The following MTMR3 variants were observed in gnomAD, a reference collection of about 807,000 sequenced individuals.
The protein encoded by MTMR3 is myotubularin related protein 3, also known as phosphatidylinositol-3,5-bisphosphate 3-phosphatase MTMR3.
MTMR3 carries 32 observed loss-of-function variants against 132.4 expected under a neutral mutation model. The ratio of observed to expected loss-of-function variants is 0.24; its 90% CI spans 0.18 to 0.32. The LOEUF (loss-of-function observed/expected upper bound fraction) is 0.32, where lower values mean the gene tolerates loss of function less well. MTMR3 is among the 10% of genes least tolerant of loss of function. The pLI, the probability that MTMR3 is intolerant of heterozygous loss-of-function variation, is 1.00. For synonymous variants in MTMR3, 556 were observed against 550.3 expected (o/e 1.01, Z -0.14); for missense variants, 1,216 against 1,489.6 (o/e 0.82, Z 3.02).
intron 8 of MTMR3, chr22:30,001,323 G>C (rs1385779938): frequency 6.6e-6 from 1 of 152,228 alleles, no homozygotes; most frequent in Non-Finnish European, 1.5e-5. Context: ...CCCGGGAGGT[G>C]GAGCTTGCAA....
chr22:29,897,950 A>T lies in MTMR3; in HGVS notation c.-138+14591A>T, dbSNP rs570868167. On this transcript the variant is annotated intron_variant, in intron 1 of 19. Transcript: ENST00000401950. ...TTTAGTACATACTTTCTATAATTTGAAAAATGACATGTTGATATATGTGTA... is the reference window on the plus strand; with the variant it reads ...TTTAGTACATACTTTCTATAATTTGTAAAATGACATGTTGATATATGTGTA... Among the ~76,000 whole-genome samples, 26 of 152,322 alleles carry T rather than the reference A, an allele frequency of 1.7e-4. No individual in the cohort carries two copies. The South Asian group carries it at 5.0e-3, about 29-fold the overall frequency.
intron 5 of MTMR3, chr22:29,982,562 A>C (rs951829087): frequency 6.6e-6 from 1 of 152,256 alleles, no homozygotes; most frequent in African/African-American, 2.4e-5. Context: ...ATGTTGTGGC[A>C]TGCCCCAGTT....
intron 1 of MTMR3, among the ~76,000 whole-genome samples, chr22:29,894,758 C>T (rs1259780465): frequency 6.6e-6 from 1 of 152,058 alleles, no homozygotes; most frequent in African/African-American, 2.4e-5. Flanking sequence ...TGTCACATAT[C>T]CTCTAGAGTT....
rs1195353582 is a variant in MTMR3, at chr22:30,020,241, A to G, written c.2582A>G (p.Gln861Arg). 5.6e-6 allele frequency: 9 copies of G among 1,614,194 alleles called. No individual in the cohort carries two copies. The highest frequency in any genetic ancestry group is 6.8e-6 in the Non-Finnish European group (8 of 1,180,028). Residue 861 changes from glutamine to arginine, a missense_variant, in exon 17 of 20, where the codon CAA (glutamine) becomes CGA (arginine). This residue lies in a region of MTMR3 where 852 missense variants were observed against 852.0 expected (regional missense o/e 1.00). Transcript: ENST00000401950. ...AAGGTGAAGTCAGTAAGTGGGCCCC[A>G]AGGTCATCATAGATCTTGCCTTGTA... ...EDKVKSVSGP[Q>R]GHHRSCLVNS...
chr22:29,981,824 A>AAG, intron 5 of MTMR3: 1 of 144,502 alleles, frequency 6.9e-6, no homozygotes, highest in East Asian at 2.0e-4. Context: ...CTGTCAAAAA[A>AAG]AAAAAGGAAA....
intron 12 of MTMR3, chr22:30,011,935 C>T (rs2067439686): frequency 6.4e-6 from 1 of 156,604 alleles, no homozygotes; most frequent in Non-Finnish European, 1.4e-5. Flanking sequence ...TTTTTCTTTT[C>T]TTTTCTTTTC....
At chr22:29,913,791 G>A (rs1379223531) in intron 1 of MTMR3, among the ~76,000 whole-genome samples, 1 of 151,248 alleles carries the variant, frequency 6.6e-6, no homozygotes, top group Non-Finnish European at 1.5e-5. Context: ...TCGCTCTGTC[G>A]CCCAGGCTGG....
chr22:29,977,231 A>G (rs965023555), intron 3 of MTMR3, among the ~76,000 whole-genome samples: 3 of 152,262 alleles, frequency 2.0e-5, no homozygotes, highest in African/African-American at 7.2e-5. Context: ...GTTGGAGGTT[A>G]CAATTAGCTG....
chr22:29,926,790 TG>T (rs1215284807), intron 1 of MTMR3, among the ~76,000 whole-genome samples: 1 of 152,234 alleles, frequency 6.6e-6, no homozygotes, highest in African/African-American at 2.4e-5. Context: ...TCCTTATCCT[TG>T]GGTTGTCCTG....
At position 29,979,004 on chromosome 22, in the gene MTMR3, C is replaced by A; in HGVS notation, c.162C>A (p.Ala54=). The change falls in exon 5 of 20, where the codon GCC becomes GCA. Residue 54 remains alanine, a synonymous_variant. Transcript: ENST00000401950. ...FVGRAEDAII[A]LSNYRLHIKF... is the part of the protein sequence containing the mutation. ...GCCGTGCCGAGGATGCCATCATTGC[C>A]CTTTCCAATTACAGACTTCACATCA... 4.3e-6 allele frequency: 7 copies of A among 1,613,872 alleles called. No individual in the cohort carries two copies. Among genetic ancestry groups the A allele is most frequent in the Non-Finnish European group, 5.9e-6 (7 of 1,179,890 alleles).
At chr22:30,012,307 G>A in intron 12 of MTMR3, 61 bp from the exon 13 acceptor site, 1 of 1,529,430 alleles carries the variant, frequency 6.5e-7, no homozygotes, top group Non-Finnish European at 8.9e-7. Flanking sequence ...GACAATCATT[G>A]AGCATGATGC....
At chr22:29,964,648 A>C (rs1253267968) in intron 2 of MTMR3, among the ~76,000 whole-genome samples, 1 of 152,098 alleles carries the variant, frequency 6.6e-6, no homozygotes, top group Non-Finnish European at 1.5e-5. Context: ...TCTTTCACAT[A>C]CTTAGGCTTT....
intron 1 of MTMR3, among the ~76,000 whole-genome samples, chr22:29,916,713 AT>A (rs1602467898): frequency 6.6e-6 from 1 of 152,224 alleles, no homozygotes; most frequent in East Asian, 1.9e-4. Context: ...GATAAAGGCT[AT>A]TATAGCCTAC....
chr22:30,016,742 T>C (rs767969329), intron 15 of MTMR3, 44 bp downstream of exon 15: 207 of 1,570,006 alleles, frequency 1.3e-4, no homozygotes, highest in Non-Finnish European at 1.7e-4. Context: ...CAGAAGGAAT[T>C]TGGGGTTGGT....
intron 1 of MTMR3, among the ~76,000 whole-genome samples, chr22:29,898,858 T>G (rs1315223196): frequency 6.6e-6 from 1 of 152,124 alleles, no homozygotes; most frequent in Non-Finnish European, 1.5e-5. Context: ...TTTATTCTTT[T>G]TTATGGCTGC....
intron 2 of MTMR3, among the ~76,000 whole-genome samples, chr22:29,965,495 A>G (rs1224945498): frequency 6.6e-6 from 1 of 152,076 alleles, no homozygotes; most frequent in Non-Finnish European, 1.5e-5. Flanking sequence ...GACCAGCCTG[A>G]TCAACATGGT....
chr22:29,951,395 A>G (rs142476886), intron 1 of MTMR3, among the ~76,000 whole-genome samples: 4,407 of 152,234 alleles, frequency 0.029, 109 homozygotes, highest in South Asian at 0.036. Flanking sequence ...TAAGTTATTT[A>G]GAAGGGTAAC....
chr22:29,976,078 T>C, intron 3 of MTMR3, among the ~76,000 whole-genome samples: 1 of 152,046 alleles, frequency 6.6e-6, no homozygotes, highest in East Asian at 1.9e-4. Flanking sequence ...GGTTCGTTGA[T>C]TGAGGCAGAT....
chr22:30,030,644 G>GGGA lies in MTMR3; in HGVS notation c.*4845_*4846insAGG, dbSNP rs2067997491. 9.5e-6 allele frequency: 1 copy of GGGA among 105,166 alleles called. No homozygotes were observed. The highest frequency in any genetic ancestry group is 1.9e-5 in the Non-Finnish European group (1 of 53,088). The allele number at this position is 105,166 out of a possible 1,614,324, so 6.5% of individuals were successfully genotyped here. ...GCTCTCAGCGAGGAGGGGGCGGGGG[G>GGGA]GGGGTCACTATTTATCTTCCAGAGG... On this transcript the variant is annotated 3_prime_UTR_variant, in exon 20 of 20. Coordinates refer to ENST00000401950, the MANE Select transcript of MTMR3 (RefSeq NM_021090.4).
Sources: gnomAD v4.1 joint callset for allele counts (sites outside exome capture counted in the v4.1 genomes callset) on GRCh38, gnomAD v4.1.1 for gene constraint, gnomAD v4.1.1 regional missense constraint, MANE v1.5 for transcripts, NCBI Gene and HGNC (gene_info 2026-07-23, HGNC 2026-07-21) for gene names.